CNTNAP2: variants seen among roughly 807,000 people sequenced by gnomAD.
CNTNAP2 encodes the protein contactin associated protein 2.
In CNTNAP2, 98 loss-of-function variants were observed where a neutral mutation model predicts 155.2. The ratio of observed to expected loss-of-function variants is 0.63; its 90% CI spans 0.54 to 0.75. CNTNAP2 has a LOEUF of 0.75. Among genes scored for constraint, CNTNAP2 ranks in the 30% least tolerant of loss-of-function variants. The pLI is 0.00. For synonymous variants in CNTNAP2, 651 were observed against 631.2 expected (o/e 1.03, Z -0.47); for missense variants, 1,727 against 1,688.1 (o/e 1.02, Z -0.40).
intron 13 of CNTNAP2, among the ~76,000 whole-genome samples, chr7:147,867,127 C>G (rs1317791123): frequency 6.6e-6 from 1 of 152,080 alleles, no homozygotes; most frequent in Non-Finnish European, 1.5e-5. Flanking sequence ...TTCAGGAGCT[C>G]TTGTAGGGCA....
intron 9 of CNTNAP2, among the ~76,000 whole-genome samples, chr7:147,349,304 A>C (rs1182710261): frequency 1.3e-5 from 2 of 151,944 alleles, no homozygotes; most frequent in African/African-American, 2.4e-5. Flanking sequence ...CAGAAATATT[A>C]AAACAAAAGA....
At chr7:148,194,262 G>A (rs573847088) in intron 18 of CNTNAP2, among the ~76,000 whole-genome samples, 2 of 151,818 alleles carry the variant, frequency 1.3e-5, no homozygotes, top group East Asian at 3.9e-4. Flanking sequence ...TCCCCAAAGT[G>A]TTGAGATTAC....
intron 13 of CNTNAP2, among the ~76,000 whole-genome samples, chr7:147,701,429 G>A (rs113776310): frequency 0.011 from 1,669 of 152,210 alleles, 21 homozygotes; most frequent in African/African-American, 0.038. Flanking sequence ...GCCAATAAAA[G>A]CCATAAAAAT....
intron 1 of CNTNAP2, among the ~76,000 whole-genome samples, chr7:146,348,092 A>C (rs1794844833): frequency 6.6e-6 from 1 of 152,110 alleles, no homozygotes; most frequent in African/African-American, 2.4e-5. Flanking sequence ...CTACCACTCT[A>C]TGATATTATT....
Position 147,914,066 on chromosome 7 carries a change from A to G in CNTNAP2, c.2255+10345A>G, listed in dbSNP as rs551694953. 1.6e-4 allele frequency among the ~76,000 whole-genome samples: 24 copies of G among 152,278 alleles called. No individual in the cohort carries two copies. The East Asian group carries it at 4.2e-3, about 27-fold the overall frequency. On this transcript the variant is annotated intron_variant, in intron 14 of 23. Transcript: ENST00000361727. ...TTTTTTGTAGCAGTCAAAAAAAAAAAATAACCTGTAGACAGCAGAAATGTC... is the reference window on the plus strand; with the variant it reads ...TTTTTTGTAGCAGTCAAAAAAAAAAGATAACCTGTAGACAGCAGAAATGTC...
At chr7:148,347,425 A>G (rs4487670) in intron 21 of CNTNAP2, among the ~76,000 whole-genome samples, 19,210 of 152,250 alleles carry the variant, frequency 0.13, 1,918 homozygotes, top group East Asian at 0.5. Context: ...CCATACAACA[A>G]GAATGAAACC....
intron 1 of CNTNAP2, among the ~76,000 whole-genome samples, chr7:146,154,484 C>A (rs1390653335): frequency 6.6e-6 from 1 of 152,168 alleles, no homozygotes; most frequent in African/African-American, 2.4e-5. Context: ...ACAGCTAAGT[C>A]TCTTAAGCTC....
chr7:148,010,310 TTGTC>T (rs573602108), intron 15 of CNTNAP2, among the ~76,000 whole-genome samples: 1 of 151,770 alleles, frequency 6.6e-6, no homozygotes, highest in Non-Finnish European at 1.5e-5. Context: ...AATCTTTGTC[TTGTC>T]TTTTTATTTG....
intron 1 of CNTNAP2, among the ~76,000 whole-genome samples, chr7:146,551,816 C>G (rs891389233): frequency 6.6e-6 from 1 of 151,968 alleles, no homozygotes; most frequent in African/African-American, 2.4e-5. Flanking sequence ...CTCCTTCTTC[C>G]CATCTCTTTT....
intron 21 of CNTNAP2, among the ~76,000 whole-genome samples, chr7:148,297,198 A>AAGGAAGGG (rs1797303084): frequency 6.6e-6 from 1 of 151,218 alleles, no homozygotes; most frequent in South Asian, 2.1e-4. Context: ...GGAAGGAAGG[A>AAGGAAGGG]AGGAAGGAAA....
At chr7:147,510,214 C>G (rs146543849) in intron 11 of CNTNAP2, among the ~76,000 whole-genome samples, 315 of 152,262 alleles carry the variant, frequency 2.1e-3, no homozygotes, top group African/African-American at 6.8e-3. Flanking sequence ...CTAATTCTTT[C>G]TCTTCTTTGA....
At chr7:146,555,086 C>T (rs947402028) in intron 1 of CNTNAP2, among the ~76,000 whole-genome samples, 20 of 152,190 alleles carry the variant, frequency 1.3e-4, no homozygotes, top group Non-Finnish European at 8.8e-5. Context: ...CTCAGCAGCT[C>T]AGCCTCCTCT....
chr7:146,680,115 A>G (rs66486336), intron 1 of CNTNAP2, among the ~76,000 whole-genome samples: 16,587 of 152,192 alleles, frequency 0.11, 1,486 homozygotes, highest in African/African-American at 0.25. Flanking sequence ...AGCATACCTT[A>G]TTCATTTCAG....
chr7:147,368,604 A>G (rs563152204), intron 9 of CNTNAP2, among the ~76,000 whole-genome samples: 1 of 152,244 alleles, frequency 6.6e-6, no homozygotes, highest in East Asian at 1.9e-4. Flanking sequence ...GGTCAGTCTG[A>G]GAGCAGGAGC....
intron 20 of CNTNAP2, among the ~76,000 whole-genome samples, chr7:148,245,593 A>G (rs370149655): frequency 6.6e-5 from 10 of 152,326 alleles, no homozygotes; most frequent in African/African-American, 2.4e-4. Flanking sequence ...TGGAAGATTG[A>G]CGGAAGAAGA....
Position 148,225,455 on chromosome 7 carries a change from A to G in CNTNAP2, c.3248-4191A>G, listed in dbSNP as rs567532934. 4.6e-5 allele frequency among the ~76,000 whole-genome samples: 7 copies of G among 152,310 alleles called. No homozygotes were observed. The East Asian group carries it at 1.4e-3, about 29-fold the overall frequency. ...GCCCTTGGGTAGGAACAGGAAGCCA[A>G]TGTGGATGGTGAGGAGTGAGCAAGG... On this transcript the variant is annotated intron_variant, in intron 19 of 23. Coordinates refer to ENST00000361727, the MANE Select transcript of CNTNAP2 (RefSeq NM_014141.6).
At chr7:148,093,685 G>T (rs1370249327) in intron 15 of CNTNAP2, among the ~76,000 whole-genome samples, 1 of 152,206 alleles carries the variant, frequency 6.6e-6, no homozygotes, top group African/African-American at 2.4e-5. Flanking sequence ...TAGGTGGATT[G>T]TCTGAAACCC....
intron 4 of CNTNAP2, among the ~76,000 whole-genome samples, chr7:147,090,933 C>T (rs995479790): frequency 2.6e-5 from 4 of 151,962 alleles, no homozygotes; most frequent in African/African-American, 9.7e-5. Flanking sequence ...TCTCTAAAAT[C>T]CTGAATTCTT....
At chr7:146,287,352 G>A (rs1180213654) in intron 1 of CNTNAP2, among the ~76,000 whole-genome samples, 2 of 152,136 alleles carry the variant, frequency 1.3e-5, no homozygotes, top group Non-Finnish European at 2.9e-5. Context: ...GCATTGGAAG[G>A]CTTGCTTGGC....
Sources: allele counts gnomAD v4.1 joint callset (sites outside exome capture counted in the v4.1 genomes callset), GRCh38; gene constraint gnomAD v4.1.1; transcripts MANE v1.5; gene names NCBI Gene and HGNC (gene_info 2026-07-23, HGNC 2026-07-21).